The following ELMO1 variants were observed in gnomAD, a reference collection of about 807,000 sequenced individuals.
The protein encoded by ELMO1 is engulfment and cell motility protein 1.
ELMO1 carries 26 observed loss-of-function variants against 98.9 expected under a neutral mutation model. The ratio of observed to expected loss-of-function variants is 0.26; its 90% confidence interval spans 0.19 to 0.36. The LOEUF (loss-of-function observed/expected upper bound fraction) is 0.36. Among genes scored for constraint, ELMO1 ranks in the 10% least tolerant of loss-of-function variants. The probability of loss-of-function intolerance (pLI) is 1.00; values close to 1 mark genes in which losing one functional copy is unlikely to be tolerated. For missense variants in ELMO1, 627 were observed against 935.2 expected (o/e 0.67, Z 4.30); for synonymous variants, 346 against 346.0 (o/e 1.00, Z 0.00).
chr7:37,369,133 T>A (rs184435199), intron 1 of ELMO1, among the ~76,000 whole-genome samples: 77 of 152,252 alleles, frequency 5.1e-4, no homozygotes, highest in South Asian at 1.2e-3. Flanking sequence ...GTCAACAAGG[T>A]TATGTAACAT....
chr7:37,172,912 C>T (rs1790267020), intron 13 of ELMO1, among the ~76,000 whole-genome samples: 1 of 152,190 alleles, frequency 6.6e-6, no homozygotes, highest in Non-Finnish European at 1.5e-5. Context: ...GGCTCTTACT[C>T]ATCTCAGCAA....
chr7:37,253,034 C>A (rs962575684), intron 6 of ELMO1, among the ~76,000 whole-genome samples: 5 of 152,174 alleles, frequency 3.3e-5, no homozygotes, highest in Non-Finnish European at 7.4e-5. Flanking sequence ...GAGATACCAT[C>A]TCATGCCAGT....
intron 1 of ELMO1, among the ~76,000 whole-genome samples, chr7:37,432,849 C>A (rs781768488): frequency 1.3e-5 from 2 of 152,234 alleles, no homozygotes; most frequent in African/African-American, 2.4e-5. Flanking sequence ...CAGTTATGGT[C>A]TTCAAATGTC....
At chr7:36,986,098 C>T (rs1390615616) in intron 16 of ELMO1, 6 of 991,508 alleles carry the variant, frequency 6.1e-6, no homozygotes, top group Non-Finnish European at 7.2e-6. Flanking sequence ...AACAGAGACC[C>T]GCCGCACACC....
chr7:36,971,048 A>G (rs571748167), intron 16 of ELMO1, among the ~76,000 whole-genome samples: 1 of 152,230 alleles, frequency 6.6e-6, no homozygotes, highest in Non-Finnish European at 1.5e-5. Flanking sequence ...CAACTGTGGA[A>G]ACCCAGGTAT....
rs137929359 is a variant in ELMO1, at chr7:37,222,471, C to T, written c.780+144G>A. 132 of 799,582 alleles carry T rather than the reference C, an allele frequency of 1.7e-4. 1 individual carries two copies. The African/African-American group carries it at 1.9e-3, about 12-fold the overall frequency. The allele number at this position is 799,582 out of a possible 1,614,324, so 49.5% of individuals were successfully genotyped here. ...GGACCCCAGCGGGCCAGCCGTGCAGCGGAACATAGCTGCTCTGGAGAGTCC... is the reference window on the plus strand; with the variant it reads ...GGACCCCAGCGGGCCAGCCGTGCAGTGGAACATAGCTGCTCTGGAGAGTCC... On this transcript the variant is annotated intron_variant, in intron 10 of 21. Coordinates refer to ENST00000310758, the MANE Select transcript of ELMO1 (RefSeq NM_014800.11).
At chr7:37,215,237 A>G (rs1793213925) in intron 11 of ELMO1, among the ~76,000 whole-genome samples, 1 of 152,250 alleles carries the variant, frequency 6.6e-6, no homozygotes, top group Non-Finnish European at 1.5e-5. Flanking sequence ...GAAGTTTAAA[A>G]TTGAACTAAC....
chr7:36,970,130 A>T (rs1047011654), intron 16 of ELMO1, among the ~76,000 whole-genome samples: 7 of 151,638 alleles, frequency 4.6e-5, no homozygotes, highest in African/African-American at 1.7e-4. Context: ...GGCTCTCCTT[A>T]TATATGTAAA....
intron 14 of ELMO1, among the ~76,000 whole-genome samples, chr7:37,108,946 G>C (rs1360072915): frequency 6.6e-6 from 1 of 152,196 alleles, no homozygotes; most frequent in Non-Finnish European, 1.5e-5. Context: ...TGCATCTTAA[G>C]TGAGTCATCC....
intron 5 of ELMO1, among the ~76,000 whole-genome samples, chr7:37,263,955 T>G (rs1796113737): frequency 6.6e-6 from 1 of 152,216 alleles, no homozygotes. Flanking sequence ...AAAACAGCAT[T>G]CATAGCCAAA....
intron 14 of ELMO1, 86 bp from the exon 15 acceptor site, chr7:37,096,813 C>T (rs1450439251): frequency 1.7e-6 from 2 of 1,205,322 alleles, no homozygotes; most frequent in Non-Finnish European, 2.4e-6. Flanking sequence ...TAGATGAATA[C>T]ATAGATCCAC....
chr7:37,343,543 G>A (rs74555593), intron 1 of ELMO1, among the ~76,000 whole-genome samples: 128 of 132,402 alleles, frequency 9.7e-4, no homozygotes, highest in African/African-American at 3.6e-3. Flanking sequence ...GCCCAGTGGC[G>A]CAATTTTGGC....
rs1468949207 is a variant in ELMO1, at chr7:37,314,922, C to T, written c.120G>A (p.Gly40=). The change falls in exon 4 of 22, where the codon GGG becomes GGA. Residue 40 remains glycine, a splice_region_variant and synonymous_variant. Transcript: ENST00000310758. ...LSAIIKEVCD[G]WSLANHEYFA... ...AATATTCATGGTTGGCAAGAGACCA[C>T]CTTAAAAATACAAGCGTATACTGAT... 4 of 1,613,378 alleles carry T rather than the reference C, an allele frequency of 2.5e-6. No individual in the cohort carries two copies. The highest frequency in any genetic ancestry group is 3.4e-6 in the Non-Finnish European group (4 of 1,179,758).
At chr7:36,938,776 T>G (rs1427073201) in intron 16 of ELMO1, among the ~76,000 whole-genome samples, 1 of 152,180 alleles carries the variant, frequency 6.6e-6, no homozygotes, top group Non-Finnish European at 1.5e-5. Flanking sequence ...TTAGTTGTCA[T>G]CAATGGCTAC....
chr7:37,390,657 T>C (rs1269339002), intron 1 of ELMO1, among the ~76,000 whole-genome samples: 3 of 152,106 alleles, frequency 2.0e-5, no homozygotes, highest in Non-Finnish European at 2.9e-5. Context: ...CAAACAGATA[T>C]CAAAGACTAA....
chr7:37,428,812 C>T (rs758186787), intron 1 of ELMO1, among the ~76,000 whole-genome samples: 5 of 152,224 alleles, frequency 3.3e-5, no homozygotes, highest in Non-Finnish European at 7.3e-5. Context: ...AAGTGTTAAC[C>T]TTTCTTCCTC....
chr7:37,179,801 T>C (rs576415203), intron 13 of ELMO1, among the ~76,000 whole-genome samples: 10 of 152,190 alleles, frequency 6.6e-5, no homozygotes, highest in African/African-American at 2.2e-4. Context: ...AAAATTGAGA[T>C]TGTCAATTTA....
At chr7:37,104,487 T>TGAGGGA (rs1584649829) in intron 14 of ELMO1, among the ~76,000 whole-genome samples, 1 of 152,104 alleles carries the variant, frequency 6.6e-6, no homozygotes, top group East Asian at 1.9e-4. Context: ...ATGAGGGGAT[T>TGAGGGA]GAGGGAGAGA....
At chr7:37,177,028 A>G (rs1199166760) in intron 13 of ELMO1, among the ~76,000 whole-genome samples, 1 of 152,184 alleles carries the variant, frequency 6.6e-6, no homozygotes, top group Non-Finnish European at 1.5e-5. Context: ...AGAAATGGAC[A>G]TTGTATGTTA....
Sources: allele counts gnomAD v4.1 joint callset (sites outside exome capture counted in the v4.1 genomes callset), GRCh38; gene constraint gnomAD v4.1.1; transcripts MANE v1.5; gene names NCBI Gene and HGNC (gene_info 2026-07-23, HGNC 2026-07-21).